The following RPS6KA5 variants were observed in gnomAD, a reference collection of about 807,000 sequenced individuals.
RPS6KA5 encodes the protein ribosomal protein S6 kinase alpha-5.
Under a neutral mutation model 85.5 loss-of-function variants are expected in RPS6KA5, and 27 were observed. The observed-to-expected ratio is 0.32, with a 90% confidence interval of 0.23 to 0.44. The LOEUF is 0.44. Among genes scored for constraint, RPS6KA5 ranks in the 20% least tolerant of loss-of-function variants. The pLI, the probability that RPS6KA5 is intolerant of heterozygous loss-of-function variation, is 1.00. For missense variants in RPS6KA5, 811 were observed against 980.9 expected (o/e 0.83, Z 2.31); for synonymous variants, 334 against 348.2 (o/e 0.96, Z 0.46).
At chr14:90,890,778 G>A (rs535861967) in intron 13 of RPS6KA5, 100 bp from the exon 14 acceptor site, 123 of 1,084,030 alleles carry the variant, frequency 1.1e-4, no homozygotes, top group Non-Finnish European at 1.3e-6. Flanking sequence ...GTTGATTCAT[G>A]TGCAGAGAGG....
rs1157800638 is a variant in RPS6KA5 at position 90,870,884 on chromosome 14, T to A, written c.*1190A>T. 2.6e-5 allele frequency: 4 copies of A among 152,158 alleles called. 1 individual carries two copies. The East Asian group carries it at 7.7e-4, about 29-fold the overall frequency. The allele number at this position is 152,158 out of a possible 1,614,324, so 9.4% of individuals were successfully genotyped here. ...TGCAGCAATCTTTTAATGAAATGTTTTCATCACATAGTACTTGTTTTCTGT... is the reference window on the plus strand; with the variant it reads ...TGCAGCAATCTTTTAATGAAATGTTATCATCACATAGTACTTGTTTTCTGT... On this transcript the variant is annotated 3_prime_UTR_variant, in exon 17 of 17. Coordinates refer to ENST00000614987, the MANE Select transcript of RPS6KA5 (RefSeq NM_004755.4).
At chr14:90,875,414 C>G in intron 14 of RPS6KA5, 54 bp from the exon 15 acceptor site, 2 of 1,500,378 alleles carry the variant, frequency 1.3e-6, no homozygotes, top group Non-Finnish European at 1.8e-6. Flanking sequence ...GTTAAAGCCA[C>G]TCTAATAATC....
chr14:90,890,336 TAC>T, intron 14 of RPS6KA5, 149 bp downstream of exon 14: 1 of 494,234 alleles, frequency 2.0e-6, no homozygotes. Context: ...GACAGGGAAA[TAC>T]TATTCAGTCA....
intron 15 of RPS6KA5, 94 bp downstream of exon 15, chr14:90,875,107 C>T (rs1022244373): frequency 6.0e-5 from 74 of 1,223,690 alleles, no homozygotes; most frequent in Non-Finnish European, 7.8e-5. Flanking sequence ...ATGGATTCCT[C>T]GAGTAATTAA....
chr14:90,935,657 G>T (rs890790294), intron 5 of RPS6KA5, among the ~76,000 whole-genome samples: 40 of 152,268 alleles, frequency 2.6e-4, no homozygotes, highest in African/African-American at 8.9e-4. Flanking sequence ...AGCAAGGTTA[G>T]ATTTTTCTAC....
chr14:90,937,281 G>C (rs146824381), intron 5 of RPS6KA5, among the ~76,000 whole-genome samples: 35 of 152,208 alleles, frequency 2.3e-4, no homozygotes, highest in South Asian at 1.2e-3. Flanking sequence ...GGCGGGGTAG[G>C]GGGGCAAGGA....
intron 1 of RPS6KA5, among the ~76,000 whole-genome samples, chr14:91,056,476 T>C (rs1217099869): frequency 6.6e-6 from 1 of 152,180 alleles, no homozygotes; most frequent in Non-Finnish European, 1.5e-5. Context: ...ACTTGCAGTC[T>C]ATCAACAGCA....
chr14:90,925,442 A>G (rs1302175678), intron 5 of RPS6KA5, among the ~76,000 whole-genome samples: 1 of 152,168 alleles, frequency 6.6e-6, no homozygotes, highest in African/African-American at 2.4e-5. Flanking sequence ...ATGAGCTTAA[A>G]TGCCTAGGCT....
rs1048919596 is a variant in RPS6KA5 at position 90,854,361 on chromosome 14, TAA to T, written c.*17711_*17712del. ...CTTAACATGAAATCAGCACAGAAAC[TAA>T]GTTTTTAGAAATAGCCTACATAATG... On this transcript the variant is annotated 3_prime_UTR_variant, in exon 17 of 17. Transcript: ENST00000614987. 1.2e-4 allele frequency: 19 copies of T among 152,028 alleles called. No homozygotes were observed. Among genetic ancestry groups the T allele is most frequent in the African/African-American group, 3.9e-4 (16 of 41,310 alleles). 9.4% of individuals were successfully genotyped at this position (152,028 alleles called of 1,614,324 possible).
At chr14:91,035,072 G>GA (rs1331834447) in intron 1 of RPS6KA5, among the ~76,000 whole-genome samples, 5 of 152,060 alleles carry the variant, frequency 3.3e-5, no homozygotes, top group Non-Finnish European at 5.9e-5. Flanking sequence ...TCTGAGCATG[G>GA]AAACTGGAAA....
Position 90,848,197 on chromosome 14 carries a change from A to G in RPS6KA5, c.*23877T>C. On this transcript the variant is annotated 3_prime_UTR_variant, in exon 17 of 17. Transcript: ENST00000614987. ...ATAGAATTCTGAAAATTCTCAATAA[A>G]TAGTTACTAGTATAAAAATGCTTAA... 6.6e-6 allele frequency: 1 copy of G among 152,376 alleles called. No individual in the cohort carries two copies. The allele number at this position is 152,376 out of a possible 1,614,324, so 9.4% of individuals were successfully genotyped here.
At chr14:90,882,654 T>C (rs185330324) in intron 14 of RPS6KA5, among the ~76,000 whole-genome samples, 2 of 152,270 alleles carry the variant, frequency 1.3e-5, no homozygotes, top group African/African-American at 2.4e-5. Context: ...TTGCCAGAGA[T>C]AGGATTCTTG....
At chr14:91,051,358 T>C (rs570087869) in intron 1 of RPS6KA5, among the ~76,000 whole-genome samples, 14 of 152,102 alleles carry the variant, frequency 9.2e-5, no homozygotes, top group African/African-American at 3.4e-4. Flanking sequence ...ATGGGAAGAC[T>C]GCTTGAGCCC....
intron 10 of RPS6KA5, 52 bp downstream of exon 10, chr14:90,900,559 A>C: frequency 5.1e-6 from 8 of 1,561,038 alleles, no homozygotes; most frequent in Non-Finnish European, 7.0e-6. Flanking sequence ...GTTGGTATTT[A>C]AACACTCACA....
intron 1 of RPS6KA5, chr14:91,052,465 TAA>T (rs71120103): frequency 0.062 from 8,166 of 132,242 alleles, 127 homozygotes; most frequent in South Asian, 0.16. Flanking sequence ...ACTCGTCTCT[TAA>T]AAAAAAAAAA....
At chr14:90,995,625 T>C (rs2040485396) in intron 2 of RPS6KA5, among the ~76,000 whole-genome samples, 1 of 152,214 alleles carries the variant, frequency 6.6e-6, no homozygotes, top group Admixed American at 6.5e-5. Flanking sequence ...CTCAGGCAGC[T>C]TATTTGCTTC....
rs1192844843 is a variant in RPS6KA5 at position 90,862,286 on chromosome 14, G to A, written c.*9788C>T. 1 of 151,924 alleles carries A rather than the reference G, an allele frequency of 6.6e-6. No individual in the cohort carries two copies. The highest frequency in any genetic ancestry group is 1.5e-5 in the Non-Finnish European group (1 of 67,970). 9.4% of individuals were successfully genotyped at this position (151,924 alleles called of 1,614,324 possible). On this transcript the variant is annotated 3_prime_UTR_variant, in exon 17 of 17. Coordinates refer to ENST00000614987, the MANE Select transcript of RPS6KA5 (RefSeq NM_004755.4). Reference sequence around the variant, plus strand: ...CAATGGTGAATTATTTTAAACAGGAGGAATAATATCAGGTGCAAACTCTTC... The same window carrying A: ...CAATGGTGAATTATTTTAAACAGGAAGAATAATATCAGGTGCAAACTCTTC...
intron 3 of RPS6KA5, among the ~76,000 whole-genome samples, chr14:90,977,109 T>C (rs1206467380): frequency 6.6e-6 from 1 of 152,192 alleles, no homozygotes; most frequent in Non-Finnish European, 1.5e-5. Flanking sequence ...GATCCTGCAG[T>C]GCCTTTGTGT....
chr14:90,990,591 T>A (rs1330187749), intron 2 of RPS6KA5, among the ~76,000 whole-genome samples: 1 of 152,190 alleles, frequency 6.6e-6, no homozygotes, highest in Non-Finnish European at 1.5e-5. Flanking sequence ...GTTCATTGCA[T>A]GTTCACTGCA....
Sources: allele counts gnomAD v4.1 joint callset (sites outside exome capture counted in the v4.1 genomes callset), GRCh38; gene constraint gnomAD v4.1.1; transcripts MANE v1.5; gene names NCBI Gene and HGNC (gene_info 2026-07-23, HGNC 2026-07-21).